The following PLLP variants were observed in gnomAD, a reference collection of about 807,000 sequenced individuals.
PLLP encodes the protein plasmolipin.
PLLP carries 15 observed loss-of-function variants against 19.7 expected under a neutral mutation model. That is an observed-to-expected ratio of 0.76 (90% CI 0.51 to 1.17). The LOEUF (loss-of-function observed/expected upper bound fraction) is 1.17, where lower values mean the gene tolerates loss of function less well. PLLP is among the 50% of genes most tolerant of loss of function. PLLP has a pLI of 0.00. For missense variants in PLLP, 255 were observed against 258.3 expected, an observed-to-expected ratio of 0.99 and a Z score of 0.09; for synonymous variants, 111 against 116.3, an observed-to-expected ratio of 0.95 and a Z score of 0.29.
chr16:57,274,230 GC>G (rs1886512577), intron 1 of PLLP, among the ~76,000 whole-genome samples: 1 of 152,100 alleles, frequency 6.6e-6, no homozygotes, highest in Admixed American at 6.6e-5. Context: ...TGATCCTCCT[GC>G]TTCAGCTTCC....
At chr16:57,273,451 T>C (rs76138953) in intron 1 of PLLP, among the ~76,000 whole-genome samples, 10,670 of 152,182 alleles carry the variant, frequency 0.07, 614 homozygotes, top group South Asian at 0.26. Flanking sequence ...TCTCCCTGCC[T>C]GCAACTCCCT....
At chr16:57,280,489 C>CT (rs572329872) in intron 1 of PLLP, among the ~76,000 whole-genome samples, 2,206 of 150,984 alleles carry the variant, frequency 0.015, 60 homozygotes, top group Middle Eastern at 0.031. Flanking sequence ...GCACTGATGC[C>CT]TTTTTTTTTT....
chr16:57,261,995 ACATCACC>A lies in PLLP; in HGVS notation c.204_210del (p.Trp68CysfsTer10). On this transcript the variant is annotated frameshift_variant, in exon 2 of 4. Transcript: ENST00000219207. LOFTEE classifies it high-confidence loss of function. ...ACCAGCCAGAGGAAGACAGCGACGA[ACATCACC>A]CAGCCATAGGCCGGATACAGGTGGT... The A allele has an allele frequency of 6.2e-7, 1 of 1,614,158 alleles. No homozygotes were observed. Among genetic ancestry groups the A allele is most frequent in the Non-Finnish European group, 8.5e-7 (1 of 1,179,992 alleles).
chr16:57,268,916 G>A (rs1012918110), intron 1 of PLLP, among the ~76,000 whole-genome samples: 1 of 152,156 alleles, frequency 6.6e-6, no homozygotes, highest in African/African-American at 2.4e-5. Context: ...GGAGGGTGAG[G>A]CCTCACTGAG....
chr16:57,275,809 C>CA (rs1901146717), intron 1 of PLLP, among the ~76,000 whole-genome samples: 1 of 152,200 alleles, frequency 6.6e-6, no homozygotes, highest in Non-Finnish European at 1.5e-5. Context: ...CAAGGAAATA[C>CA]AAACGGCTCT....
At chr16:57,259,972 G>GA (rs2075437296) in intron 2 of PLLP, among the ~76,000 whole-genome samples, 1 of 137,618 alleles carries the variant, frequency 7.3e-6, no homozygotes, top group Non-Finnish European at 1.6e-5. Context: ...GCGGGACTTT[G>GA]TCTAAAAAAA....
chr16:57,273,031 G>A (rs1901096097), intron 1 of PLLP, among the ~76,000 whole-genome samples: 1 of 151,972 alleles, frequency 6.6e-6, no homozygotes, highest in South Asian at 2.1e-4. Context: ...AGGCCGGGCG[G>A]GTGGATCATG....
At chr16:57,272,150 G>A (rs2075477982) in intron 1 of PLLP, among the ~76,000 whole-genome samples, 1 of 152,194 alleles carries the variant, frequency 6.6e-6, no homozygotes, top group East Asian at 1.9e-4. Context: ...CCCTCTCAAG[G>A]GAAACACTTG....
intron 1 of PLLP, among the ~76,000 whole-genome samples, chr16:57,267,863 G>A (rs1266449536): frequency 7.7e-5 from 10 of 129,226 alleles, no homozygotes; most frequent in Non-Finnish European, 1.6e-4. Flanking sequence ...CAACAAGAGC[G>A]AAACTCCGTC....
intron 1 of PLLP, among the ~76,000 whole-genome samples, chr16:57,275,675 G>T (rs185280960): frequency 1.5e-5 from 2 of 132,886 alleles, no homozygotes; most frequent in Admixed American, 1.4e-4. Context: ...CATGAGAGGG[G>T]GAAAAAAACC....
At chr16:57,278,302 T>C (rs541817677) in intron 1 of PLLP, among the ~76,000 whole-genome samples, 1 of 152,282 alleles carries the variant, frequency 6.6e-6, no homozygotes, top group Non-Finnish European at 1.5e-5. Context: ...ATTACGCCGC[T>C]GCACTCCAGC....
At chr16:57,272,446 C>T (rs756230432) in intron 1 of PLLP, among the ~76,000 whole-genome samples, 1 of 152,154 alleles carries the variant, frequency 6.6e-6, no homozygotes, top group East Asian at 1.9e-4. Flanking sequence ...ATCCTTCCAT[C>T]GGCCCCTCCA....
chr16:57,270,410 T>C (rs1371623126), intron 1 of PLLP, among the ~76,000 whole-genome samples: 4 of 146,642 alleles, frequency 2.7e-5, no homozygotes, highest in Non-Finnish European at 4.5e-5. Flanking sequence ...GGTCCCCGAG[T>C]CCTTCCCCAG....
chr16:57,271,698 T>G (rs1193252210), intron 1 of PLLP, among the ~76,000 whole-genome samples: 1 of 151,682 alleles, frequency 6.6e-6, no homozygotes, highest in Non-Finnish European at 1.5e-5. Context: ...GAACTGAAAC[T>G]ACCCCTACTT....
At chr16:57,262,239 G>C (rs1188233401) in intron 1 of PLLP, among the ~76,000 whole-genome samples, 169 bp from the exon 2 acceptor site, 2 of 152,068 alleles carry the variant, frequency 1.3e-5, no homozygotes, top group Non-Finnish European at 2.9e-5. Flanking sequence ...CTGGGCAACA[G>C]AGCAAGTCCC....
chr16:57,278,560 A>G (rs1901181382), intron 1 of PLLP, among the ~76,000 whole-genome samples: 1 of 152,166 alleles, frequency 6.6e-6, no homozygotes, highest in South Asian at 2.1e-4. Flanking sequence ...ATGTAATTAC[A>G]CATTAATTCC....
chr16:57,264,344 T>C (rs1472764576), intron 1 of PLLP, among the ~76,000 whole-genome samples: 1 of 152,204 alleles, frequency 6.6e-6, no homozygotes, highest in Non-Finnish European at 1.5e-5. Flanking sequence ...AGTCAAAAGC[T>C]GTGTGGCTGT....
At chr16:57,272,105 C>T (rs116802659) in intron 1 of PLLP, among the ~76,000 whole-genome samples, 286 of 152,340 alleles carry the variant, frequency 1.9e-3, no homozygotes, top group African/African-American at 6.4e-3. Context: ...CCCGCCAGGG[C>T]TTTACCCCCA....
intron 1 of PLLP, among the ~76,000 whole-genome samples, chr16:57,266,044 A>G (rs1157066405): frequency 6.6e-6 from 1 of 152,140 alleles, no homozygotes. Flanking sequence ...AAAATTTTAA[A>G]AGGATAGGGA....
Sources: allele counts gnomAD v4.1 joint callset (sites outside exome capture counted in the v4.1 genomes callset), GRCh38; gene constraint gnomAD v4.1.1; transcripts MANE v1.5; gene names NCBI Gene and HGNC (gene_info 2026-07-23, HGNC 2026-07-21).